ST18: variants seen among roughly 807,000 people sequenced by gnomAD.
ST18 encodes ST18 C2H2C-type zinc finger transcription factor.
Under a neutral mutation model 110.0 loss-of-function variants are expected in ST18, and 50 were observed. The observed-to-expected ratio is 0.45, with a 90% CI of 0.36 to 0.58. ST18 has a LOEUF of 0.58. ST18 is among the 20% of genes least tolerant of loss of function. The pLI, the probability that ST18 is intolerant of heterozygous loss-of-function variation, is 0.00. For missense variants in ST18, 1,306 were observed against 1,280.1 expected (o/e 1.02, Z -0.31); for synonymous variants, 461 against 452.4 (o/e 1.02, Z -0.24).
intron 2 of ST18, among the ~76,000 whole-genome samples, chr8:52,318,428 G>A (rs2096066969): frequency 6.6e-6 from 1 of 152,174 alleles, no homozygotes; most frequent in Non-Finnish European, 1.5e-5. Flanking sequence ...GGAGAAAAAG[G>A]AACGCTTTTA....
At chr8:52,346,566 C>A (rs915332254) in intron 2 of ST18, among the ~76,000 whole-genome samples, 1 of 152,186 alleles carries the variant, frequency 6.6e-6, no homozygotes, top group Non-Finnish European at 1.5e-5. Context: ...CAGAGCATCA[C>A]GAGCTCCAGT....
chr8:52,289,332 T>C (rs961898220), intron 2 of ST18, among the ~76,000 whole-genome samples: 1 of 152,116 alleles, frequency 6.6e-6, no homozygotes, highest in Non-Finnish European at 1.5e-5. Flanking sequence ...TGGTGATGCA[T>C]GCCTGATGTC....
intron 2 of ST18, among the ~76,000 whole-genome samples, chr8:52,376,710 G>A (rs891900885): frequency 1.3e-5 from 2 of 152,158 alleles, no homozygotes; most frequent in African/African-American, 4.8e-5. Context: ...AACAGAGCCC[G>A]GTACACAGTG....
In ST18 at chr8:52,314,566, T is replaced by A. The variant is rs62499841; in HGVS notation, c.-464-84489A>T. On this transcript the variant is annotated intron_variant, in intron 2 of 25. Transcript: ENST00000689386. The stretch of plus-strand genomic sequence containing the variant: ...TTGGTTCTGCTTCAGGTTCTGATTC[T>A]GTGTAAATCATGACTTATAGCCCAG... Among the ~76,000 whole-genome samples the A allele has an allele frequency of 8.5e-5, 13 of 152,296 alleles. 1 individual carries two copies. The South Asian group carries it at 1.7e-3, about 19-fold the overall frequency.
At chr8:52,180,387 T>C (rs2068920358) in intron 8 of ST18, 75 bp from the exon 9 acceptor site, 3 of 1,540,720 alleles carry the variant, frequency 1.9e-6, no homozygotes, top group Non-Finnish European at 2.7e-6. Context: ...TTTCATGAAG[T>C]CTAACCTAAA....
intron 10 of ST18, 28 bp downstream of exon 10, chr8:52,171,764 C>G: frequency 6.3e-7 from 1 of 1,599,776 alleles, no homozygotes; most frequent in South Asian, 1.1e-5. Flanking sequence ...ACTTTTATTC[C>G]TAAAATAAAT....
At chr8:52,333,682 TA>T (rs1300389033) in intron 2 of ST18, among the ~76,000 whole-genome samples, 1 of 152,244 alleles carries the variant, frequency 6.6e-6, no homozygotes, top group Non-Finnish European at 1.5e-5. Context: ...CATACTTTTC[TA>T]GTACTTTCTT....
At chr8:52,215,212 G>C (rs918813611) in intron 6 of ST18, among the ~76,000 whole-genome samples, 1 of 152,186 alleles carries the variant, frequency 6.6e-6, no homozygotes, top group Non-Finnish European at 1.5e-5. Context: ...GCTGAGTTGT[G>C]ATTGAAGGCA....
At chr8:52,211,433 G>A (rs2082139722) in intron 8 of ST18, among the ~76,000 whole-genome samples, 1 of 149,556 alleles carries the variant, frequency 6.7e-6, no homozygotes, top group Non-Finnish European at 1.5e-5. Flanking sequence ...TTGAGATGGA[G>A]TCTCACTCTG....
intron 2 of ST18, among the ~76,000 whole-genome samples, chr8:52,368,718 A>G (rs931970018): frequency 6.6e-6 from 1 of 152,224 alleles, no homozygotes; most frequent in African/African-American, 2.4e-5. Flanking sequence ...AGATTCATAC[A>G]TACTTCAAAC....
intron 9 of ST18, among the ~76,000 whole-genome samples, chr8:52,178,677 A>AC (rs1303404372): frequency 6.7e-6 from 1 of 148,994 alleles, no homozygotes; most frequent in Admixed American, 6.6e-5. Context: ...AACAAAAAAA[A>AC]CCCACCAAAA....
At chr8:52,122,057 G>T (rs1403255484) in intron 23 of ST18, among the ~76,000 whole-genome samples, 1 of 152,108 alleles carries the variant, frequency 6.6e-6, no homozygotes, top group Non-Finnish European at 1.5e-5. Context: ...TGTTGGTCAG[G>T]ATGGTCTCAA....
Position 52,209,770 on chromosome 8 carries a change from C to CAA in ST18, c.86+2307_86+2308dup, listed in dbSNP as rs1172620781. ...GGGCAACAAGAGCGAAACTCCATCT[C>CAA]AAAAAAAAAAAAAAAAAAATATATA... On this transcript the variant is annotated intron_variant, in intron 8 of 25. Transcript: ENST00000689386. 4.1e-3 allele frequency among the ~76,000 whole-genome samples: 291 copies of CAA among 71,834 alleles called. 5 individuals carry two copies. Among genetic ancestry groups the CAA allele is most frequent in the South Asian group, 0.012 (19 of 1,596 alleles). 47.1% of individuals were successfully genotyped at this position (71,834 alleles called of 152,430 possible).
chr8:52,125,251 C>T (rs1427884643), intron 23 of ST18, among the ~76,000 whole-genome samples: 1 of 152,096 alleles, frequency 6.6e-6, no homozygotes, highest in Non-Finnish European at 1.5e-5. Flanking sequence ...GATCTGGATG[C>T]TAAGTCCAAA....
chr8:52,361,295 T>C (rs1825642490), intron 2 of ST18, among the ~76,000 whole-genome samples: 1 of 152,136 alleles, frequency 6.6e-6, no homozygotes, highest in African/African-American at 2.4e-5. Flanking sequence ...AAAAAGACAA[T>C]ATATAATCAA....
intron 2 of ST18, among the ~76,000 whole-genome samples, chr8:52,250,652 A>C (rs571159670): frequency 7.0e-6 from 1 of 142,596 alleles, no homozygotes; most frequent in African/African-American, 2.6e-5. Context: ...CATTCATGAA[A>C]TCACCATCCA....
chr8:52,310,312 G>C (rs565868942), intron 2 of ST18, among the ~76,000 whole-genome samples: 1 of 152,044 alleles, frequency 6.6e-6, no homozygotes, highest in Non-Finnish European at 1.5e-5. Context: ...AAACAGCAAC[G>C]GTTCCACAGG....
chr8:52,262,049 C>T (rs1052616615), intron 2 of ST18, among the ~76,000 whole-genome samples: 1 of 152,148 alleles, frequency 6.6e-6, no homozygotes, highest in South Asian at 2.1e-4. Flanking sequence ...AGCGTGGCAC[C>T]AGCATCTGCT....
chr8:52,263,610 G>T (rs12545506), intron 2 of ST18, among the ~76,000 whole-genome samples: 2,229 of 128,084 alleles, frequency 0.017, 28 homozygotes, highest in Non-Finnish European at 0.026. Flanking sequence ...TTTTTGTTTT[G>T]TTTTTTTTTT....
Sources: allele counts gnomAD v4.1 joint callset (sites outside exome capture counted in the v4.1 genomes callset), GRCh38; gene constraint gnomAD v4.1.1; transcripts MANE v1.5; gene names NCBI Gene and HGNC (gene_info 2026-07-23, HGNC 2026-07-21).